Variants in RANBP2 observed in about 807,000 individuals in gnomAD.
RANBP2 encodes the protein RAN binding protein 2.
A neutral mutation model predicts 303.6 loss-of-function variants in RANBP2; 57 were observed. That is an observed-to-expected ratio of 0.19 (90% CI 0.15 to 0.23). The LOEUF (loss-of-function observed/expected upper bound fraction) is 0.23, where lower values mean the gene tolerates loss of function less well. Among genes scored for constraint, RANBP2 ranks in the 10% least tolerant of loss-of-function variants. The pLI, the probability that RANBP2 is intolerant of heterozygous loss-of-function variation, is 1.00. For missense variants in RANBP2, 3,138 were observed against 3,780.8 expected (o/e 0.83, Z 4.46); for synonymous variants, 1,167 against 1,301.5 (o/e 0.90, Z 2.23).
At chr2:109,774,513 TA>T in the RANBP2 span, among the ~76,000 whole-genome samples, 12 of 67,110 alleles carry the variant, frequency 1.8e-4, 2 homozygotes, top group East Asian at 4.3e-3. Context: ...TATATATATA[TA>T]ATATATATTA....
the RANBP2 span, among the ~76,000 whole-genome samples, chr2:109,327,240 G>A: frequency 2.0e-5 from 3 of 152,092 alleles, no homozygotes; most frequent in South Asian, 6.2e-4. Context: ...TGAGGTGGAG[G>A]ACAATTTCTT....
chr2:109,143,809 TAC>T, the RANBP2 span, among the ~76,000 whole-genome samples: 376 of 148,692 alleles, frequency 2.5e-3, 1 homozygote, highest in Middle Eastern at 6.9e-3. Context: ...CTGTGCTGTA[TAC>T]ACACACACAC....
chr2:108,788,057 CTAAGTA>C (rs137909632), downstream of RANBP2: 495 of 1,590,494 alleles, frequency 3.1e-4, no homozygotes, highest in Non-Finnish European at 3.8e-4. Flanking sequence ...TTTTATCAGT[CTAAGTA>C]TAAGAGAAGA....
chr2:108,992,819 G>A, the RANBP2 span, among the ~76,000 whole-genome samples: 1 of 152,204 alleles, frequency 6.6e-6, no homozygotes, highest in Non-Finnish European at 1.5e-5. Context: ...CGTTGCCCCT[G>A]CCTCGTGGCA....
chr2:109,120,436 G>A, the RANBP2 span, among the ~76,000 whole-genome samples: 1 of 152,182 alleles, frequency 6.6e-6, no homozygotes, highest in African/African-American at 2.4e-5. Flanking sequence ...AGGATGTAAG[G>A]TAGAGACGGA....
At chr2:108,769,739 A>G (rs1677367035) in intron 20 of RANBP2, among the ~76,000 whole-genome samples, 1 of 151,936 alleles carries the variant, frequency 6.6e-6, no homozygotes, top group South Asian at 2.1e-4. Flanking sequence ...TGTATTTGAA[A>G]ATGGACCCCG....
the RANBP2 span, among the ~76,000 whole-genome samples, chr2:109,244,959 A>AG: frequency 2.0e-5 from 3 of 152,210 alleles, no homozygotes; most frequent in African/African-American, 7.2e-5. Context: ...AGACTTGATC[A>AG]GGTGCCAGTA....
At chr2:109,463,891 G>T in the RANBP2 span, among the ~76,000 whole-genome samples, 1 of 152,160 alleles carries the variant, frequency 6.6e-6, no homozygotes, top group Non-Finnish European at 1.5e-5. Context: ...GCCAGAGGTG[G>T]TATAGACAGG....
chr2:108,816,984 A>G, the RANBP2 span, among the ~76,000 whole-genome samples: 183 of 152,320 alleles, frequency 1.2e-3, no homozygotes, highest in Non-Finnish European at 1.2e-3. Flanking sequence ...GATGTGGGCC[A>G]CTGTGCCCAG....
chr2:108,781,238 T>C (rs1678236426), intron 25 of RANBP2, 31 bp from the exon 26 acceptor site: 1 of 1,609,670 alleles, frequency 6.2e-7, no homozygotes, highest in African/African-American at 1.3e-5. Context: ...AAATAGATAC[T>C]AGTGTTTAAA....
chr2:109,508,576 A>C, the RANBP2 span, among the ~76,000 whole-genome samples: 1 of 152,186 alleles, frequency 6.6e-6, no homozygotes, highest in African/African-American at 2.4e-5. Flanking sequence ...ACATCATTAC[A>C]AATGTGAAGA....
At chr2:109,489,547 A>G in the RANBP2 span, among the ~76,000 whole-genome samples, 1 of 152,214 alleles carries the variant, frequency 6.6e-6, no homozygotes, top group Non-Finnish European at 1.5e-5. Context: ...CTCTACACAG[A>G]CAATGACGTT....
At chr2:109,417,224 G>C in the RANBP2 span, among the ~76,000 whole-genome samples, 5 of 152,208 alleles carry the variant, frequency 3.3e-5, no homozygotes, top group East Asian at 1.9e-4. Flanking sequence ...TGAGGTGACA[G>C]CTTCTCCTTC....
the RANBP2 span, among the ~76,000 whole-genome samples, chr2:109,438,726 G>T: frequency 2.6e-5 from 4 of 152,158 alleles, no homozygotes; most frequent in East Asian, 1.9e-4. Flanking sequence ...TTTTCTGGTA[G>T]CCTCTAGCTG....
chr2:109,040,461 A>C, the RANBP2 span, among the ~76,000 whole-genome samples: 12 of 152,126 alleles, frequency 7.9e-5, no homozygotes, highest in Non-Finnish European at 1.3e-4. Context: ...CTTTTATATA[A>C]ATTTTAGAAT....
chr2:109,482,824 A>G, the RANBP2 span, among the ~76,000 whole-genome samples: 1 of 152,214 alleles, frequency 6.6e-6, no homozygotes, highest in Non-Finnish European at 1.5e-5. Context: ...TCTTCCACCA[A>G]AAACAAGCTA....
At chr2:108,949,802 G>A in the RANBP2 span, among the ~76,000 whole-genome samples, 1 of 152,188 alleles carries the variant, frequency 6.6e-6, no homozygotes, top group Admixed American at 6.5e-5. Context: ...GAGGTATGTA[G>A]CCAATGATTT....
the RANBP2 span, among the ~76,000 whole-genome samples, chr2:108,977,189 C>A: frequency 6.6e-5 from 10 of 152,188 alleles, no homozygotes; most frequent in Non-Finnish European, 1.5e-4. Flanking sequence ...GGCCCTGCAC[C>A]CCTGACCACC....
the RANBP2 span, among the ~76,000 whole-genome samples, chr2:109,177,979 A>G: frequency 9.9e-5 from 15 of 152,216 alleles, no homozygotes; most frequent in Non-Finnish European, 1.9e-4. Flanking sequence ...ATCATCTAAC[A>G]TAATCAGAAA....
Sources: allele counts gnomAD v4.1 joint callset (sites outside exome capture counted in the v4.1 genomes callset), GRCh38; gene constraint gnomAD v4.1.1; transcripts MANE v1.5; gene names NCBI Gene and HGNC (gene_info 2026-07-23, HGNC 2026-07-21).